CAPS2: variants seen among roughly 807,000 people sequenced by gnomAD.
The protein encoded by CAPS2 is calcyphosin-2.
In CAPS2, 98 loss-of-function variants were observed where a neutral mutation model predicts 86.5. The ratio of observed to expected loss-of-function variants is 1.13; its 90% confidence interval spans 0.96 to 1.34. The LOEUF is 1.34. Among genes scored for constraint, CAPS2 ranks in the 40% most tolerant of loss-of-function variants. The probability of loss-of-function intolerance (pLI) is 0.00; values close to 1 mark genes in which losing one functional copy is unlikely to be tolerated. For synonymous variants in CAPS2, 210 were observed against 225.1 expected, an observed-to-expected ratio of 0.93 and a Z score of 0.60; for missense variants, 729 against 686.8, an observed-to-expected ratio of 1.06 and a Z score of -0.69.
At chr12:75,360,544 A>C (rs2043504915) in intron 1 of CAPS2, 1 of 152,166 alleles carries the variant, frequency 6.6e-6, no homozygotes, top group Admixed American at 6.6e-5. Flanking sequence ...CTCTGAAATA[A>C]TCTCCTTTGG....
At chr12:75,311,703 A>G (rs1179540083) in intron 7 of CAPS2, among the ~76,000 whole-genome samples, 4 of 15,412 alleles carry the variant, frequency 2.6e-4, no homozygotes, top group East Asian at 4.6e-3. Flanking sequence ...CATGCAGGAA[A>G]AAAAAAAACA....
intron 8 of CAPS2, among the ~76,000 whole-genome samples, chr12:75,301,326 A>G (rs73364051): frequency 1.8e-4 from 27 of 152,374 alleles, no homozygotes; most frequent in African/African-American, 5.8e-4. Flanking sequence ...AGCAGGGAAC[A>G]GGAAACGTGA....
chr12:75,300,009 C>A, intron 8 of CAPS2, 98 bp from the exon 9 acceptor site: 1 of 493,752 alleles, frequency 2.0e-6, no homozygotes, highest in South Asian at 4.2e-5. Context: ...ATTTTGAAAC[C>A]ACACAGATTG....
intron 8 of CAPS2, among the ~76,000 whole-genome samples, chr12:75,303,204 A>G (rs1350456009): frequency 6.6e-6 from 1 of 152,228 alleles, no homozygotes; most frequent in East Asian, 1.9e-4. Flanking sequence ...AAATAACACC[A>G]TGGATAAAAC....
intron 1 of CAPS2, among the ~76,000 whole-genome samples, chr12:75,347,285 G>A (rs2139391817): frequency 6.6e-6 from 1 of 152,082 alleles, no homozygotes; most frequent in South Asian, 2.1e-4. Flanking sequence ...CATATTGTTT[G>A]TATGATATTC....
intron 6 of CAPS2, among the ~76,000 whole-genome samples, chr12:75,314,839 C>T (rs2039596299): frequency 6.6e-6 from 1 of 151,860 alleles, no homozygotes; most frequent in African/African-American, 2.4e-5. Flanking sequence ...AGGTTAGAAC[C>T]CGTAGGCACA....
chr12:75,277,970 TATC>T (rs1225956326), exon 17 of CAPS2: 2 of 875,588 alleles, frequency 2.3e-6, no homozygotes, highest in South Asian at 1.1e-4. Flanking sequence ...ATGTTTAGAA[TATC>T]ATACATTCAT....
chr12:75,390,291 A>T lies in CAPS2; in HGVS notation c.-395+547T>A, dbSNP rs1205877673. On this transcript the variant is annotated intron_variant, in intron 1 of 5. Coordinates refer to the CAPS2 transcript ENST00000551829. ...GATATTAGCCAATTTTGTCTGGAACAAAAAAAGAAAACAAAAGAGTTCGTT... is the reference window on the plus strand; with the variant it reads ...GATATTAGCCAATTTTGTCTGGAACTAAAAAAGAAAACAAAAGAGTTCGTT... 6.6e-6 allele frequency: 3 copies of T among 456,106 alleles called. No individual in the cohort carries two copies. In the Admixed American group the frequency reaches 7.0e-5, roughly 11 times the overall value. 28.3% of individuals were successfully genotyped at this position (456,106 alleles called of 1,614,324 possible).
At chr12:75,285,005 TACC>T in exon 15 of CAPS2, 2 of 1,609,978 alleles carry the variant, frequency 1.2e-6, no homozygotes, top group Admixed American at 1.7e-5. Flanking sequence ...TCACCAATAA[TACC>T]ACGTTTGAAT....
At chr12:75,324,558 T>C (rs2040594342) in intron 2 of CAPS2, among the ~76,000 whole-genome samples, 1 of 152,134 alleles carries the variant, frequency 6.6e-6, no homozygotes, top group African/African-American at 2.4e-5. Flanking sequence ...TGCACCTAAC[T>C]CTATTCTTTA....
At chr12:75,346,190 G>C (rs1348929991) in intron 1 of CAPS2, among the ~76,000 whole-genome samples, 3 of 152,102 alleles carry the variant, frequency 2.0e-5, no homozygotes, top group Admixed American at 1.3e-4. Flanking sequence ...GATGTAGTTA[G>C]TTATTCATAA....
exon 7 of CAPS2, chr12:75,312,873 G>C (rs775101907): frequency 6.2e-7 from 1 of 1,604,488 alleles, no homozygotes; most frequent in Admixed American, 1.7e-5. Flanking sequence ...ATCATCACTT[G>C]CTCTGCAACA....
intron 1 of CAPS2, among the ~76,000 whole-genome samples, chr12:75,386,187 A>G (rs995620608): frequency 6.6e-6 from 1 of 152,100 alleles, no homozygotes; most frequent in East Asian, 1.9e-4. Context: ...AGGCAAAAAA[A>G]CCCTGAACAG....
Position 75,284,951 on chromosome 12 carries a change from A to G in CAPS2, c.1515+10T>C. 1 of 1,591,784 alleles carries G rather than the reference A, an allele frequency of 6.3e-7. No homozygotes were observed. The highest frequency in any genetic ancestry group is 8.6e-7 in the Non-Finnish European group (1 of 1,167,510). On this transcript the variant is annotated intron_variant, in intron 15 of 16. Coordinates refer to ENST00000393284, the Ensembl canonical transcript of CAPS2. ...AAATAACAATTTGAAAGATTACTTA[A>G]CAAAGTTACCTTTCGAACATATGAT...
intron 1 of CAPS2, chr12:75,347,706 T>G (rs1324216908): frequency 6.3e-7 from 1 of 1,599,888 alleles, no homozygotes; most frequent in East Asian, 2.2e-5. Flanking sequence ...AATATTTGTA[T>G]GCAACTACGG....
At chr12:75,347,892 C>T (rs1047340907) in intron 1 of CAPS2, among the ~76,000 whole-genome samples, 2 of 151,802 alleles carry the variant, frequency 1.3e-5, no homozygotes, top group Non-Finnish European at 2.9e-5. Flanking sequence ...AGAATATTGC[C>T]TTACTTAAAG....
chr12:75,363,063 A>T (rs762686113), intron 1 of CAPS2: 1 of 1,073,782 alleles, frequency 9.3e-7, no homozygotes, highest in Non-Finnish European at 1.4e-6. Flanking sequence ...TGGAGAAATT[A>T]ACAGCCATTT....
At chr12:75,334,906 A>T (rs1361969824), upstream of CAPS2, 9 of 1,612,696 alleles carry the variant, frequency 5.6e-6, no homozygotes, top group African/African-American at 1.3e-5. Context: ...ATACATGGTG[A>T]GAAAGAACCA....
intron 7 of CAPS2, among the ~76,000 whole-genome samples, chr12:75,307,209 C>T (rs2038611412): frequency 6.6e-6 from 1 of 152,142 alleles, no homozygotes. Context: ...TTGGTGTCTC[C>T]CACACAGAAA....
Sources: gnomAD v4.1 joint callset for allele counts (sites outside exome capture counted in the v4.1 genomes callset) on GRCh38, gnomAD v4.1.1 for gene constraint, MANE v1.5 for transcripts, NCBI Gene and HGNC (gene_info 2026-07-23, HGNC 2026-07-21) for gene names.